GRID1: variants seen among roughly 807,000 people sequenced by gnomAD.
GRID1 encodes glutamate receptor ionotropic, delta-1.
GRID1 carries 28 observed loss-of-function variants against 98.0 expected under a neutral mutation model. The observed-to-expected ratio is 0.29, with a 90% CI of 0.21 to 0.39. The LOEUF is 0.39. Ranked by LOEUF, GRID1 falls within the 10% of genes least tolerant of loss-of-function variation. The pLI is 1.00. For synonymous variants in GRID1, 553 were observed against 538.5 expected, an observed-to-expected ratio of 1.03 and a Z score of -0.37; for missense variants, 1,111 against 1,340.5, an observed-to-expected ratio of 0.83 and a Z score of 2.67.
At chr10:86,358,249 C>T (rs1288345675) in intron 2 of GRID1, among the ~76,000 whole-genome samples, 2 of 152,052 alleles carry the variant, frequency 1.3e-5, no homozygotes, top group Admixed American at 1.3e-4. Flanking sequence ...GAGGATGCCC[C>T]GCAGTAAGCA....
chr10:85,766,338 T>C (rs1413667998), intron 8 of GRID1, among the ~76,000 whole-genome samples: 1 of 152,160 alleles, frequency 6.6e-6, no homozygotes, highest in Non-Finnish European at 1.5e-5. Context: ...ATTTAAAAAT[T>C]AGCCTGGTGG....
intron 2 of GRID1, among the ~76,000 whole-genome samples, chr10:86,287,126 G>A (rs996635735): frequency 2.6e-5 from 4 of 152,214 alleles, no homozygotes; most frequent in African/African-American, 9.6e-5. Flanking sequence ...TGGAGGCACG[G>A]AAGTAGATGG....
chr10:85,949,552 A>C (rs1326096666), intron 4 of GRID1, among the ~76,000 whole-genome samples: 1 of 152,100 alleles, frequency 6.6e-6, no homozygotes, highest in Non-Finnish European at 1.5e-5. Context: ...TTTCATTTAC[A>C]GTGTTTCCAG....
chr10:86,353,975 C>T (rs866744311), intron 2 of GRID1, among the ~76,000 whole-genome samples: 1 of 152,014 alleles, frequency 6.6e-6, no homozygotes, highest in African/African-American at 2.4e-5. Context: ...GGTCAGGTCT[C>T]AGAGCTTTGA....
At chr10:85,614,745 G>C (rs1311709206) in intron 14 of GRID1, among the ~76,000 whole-genome samples, 1 of 152,140 alleles carries the variant, frequency 6.6e-6, no homozygotes, top group Non-Finnish European at 1.5e-5. Flanking sequence ...GGCTCTGAGG[G>C]GGCATGAGAG....
At chr10:86,343,300 AAAG>A (rs1343723959) in intron 2 of GRID1, among the ~76,000 whole-genome samples, 6 of 152,240 alleles carry the variant, frequency 3.9e-5, no homozygotes, top group Admixed American at 2.0e-4. Context: ...GTATGGAACA[AAAG>A]AAGATTTCAA....
At chr10:86,244,928 AT>A (rs562544333) in intron 2 of GRID1, among the ~76,000 whole-genome samples, 46 of 152,092 alleles carry the variant, frequency 3.0e-4, no homozygotes, top group Non-Finnish European at 5.3e-4. Context: ...AGCCCAAAAG[AT>A]TTTTTCCCCT....
chr10:86,080,714 C>T (rs60935427), intron 4 of GRID1, among the ~76,000 whole-genome samples: 18,074 of 151,794 alleles, frequency 0.12, 1,257 homozygotes, highest in African/African-American at 0.19. Context: ...ATTTGTGCTA[C>T]GCAGGGAAAA....
chr10:86,138,987 C>T lies in GRID1; in HGVS notation c.558G>A (p.Ser186=), dbSNP rs756448362. The T allele has an allele frequency of 1.1e-5, 18 of 1,613,960 alleles. No individual in the cohort carries two copies. The highest frequency in any genetic ancestry group is 8.3e-5 in the Admixed American group (5 of 60,014). ...GTAAAGAGACGTCAAGGCCCAGCCG[C>T]GAGGCCTGGTCCAGAAAGCTTTGAA... ...RGLQSFLDQA[S]RLGLDVSLQK... The change falls in exon 4 of 16, where the codon TCG becomes TCA. Residue 186 remains serine (S), a synonymous_variant. Transcript: ENST00000327946.
At chr10:85,738,938 T>C (rs1277855687) in intron 8 of GRID1, among the ~76,000 whole-genome samples, 1 of 152,170 alleles carries the variant, frequency 6.6e-6, no homozygotes, top group Non-Finnish European at 1.5e-5. Flanking sequence ...TACATTACCA[T>C]ATACATTTGT....
At chr10:85,835,415 T>C (rs1399206699) in intron 8 of GRID1, among the ~76,000 whole-genome samples, 1 of 152,198 alleles carries the variant, frequency 6.6e-6, no homozygotes, top group East Asian at 1.9e-4. Context: ...TGGGGGCAAT[T>C]TCCCCATACT....
intron 12 of GRID1, among the ~76,000 whole-genome samples, chr10:85,662,744 T>A (rs886084063): frequency 1.1e-4 from 16 of 152,130 alleles, no homozygotes; most frequent in African/African-American, 3.9e-4. Flanking sequence ...GGAAGCACCA[T>A]ATCCACCATG....
At chr10:85,770,610 C>A (rs945408153) in intron 8 of GRID1, among the ~76,000 whole-genome samples, 4 of 151,980 alleles carry the variant, frequency 2.6e-5, no homozygotes, top group African/African-American at 9.7e-5. Flanking sequence ...CTAGAATAAC[C>A]AATACAGAGA....
intron 4 of GRID1, among the ~76,000 whole-genome samples, chr10:86,056,422 G>A (rs367643958): frequency 2.0e-5 from 3 of 152,206 alleles, no homozygotes; most frequent in East Asian, 3.8e-4. Context: ...GAACAAGGAA[G>A]AATTGTCCTT....
At chr10:85,919,859 A>AG (rs1351394380) in intron 4 of GRID1, among the ~76,000 whole-genome samples, 1 of 152,186 alleles carries the variant, frequency 6.6e-6, no homozygotes, top group African/African-American at 2.4e-5. Context: ...ACAGTGCTAC[A>AG]GGGGGCTCTG....
At chr10:86,147,303 A>T (rs1326083609) in intron 3 of GRID1, among the ~76,000 whole-genome samples, 1 of 152,176 alleles carries the variant, frequency 6.6e-6, no homozygotes, top group Non-Finnish European at 1.5e-5. Context: ...TTTTCCAAAG[A>T]TACGTACTTA....
intron 8 of GRID1, among the ~76,000 whole-genome samples, chr10:85,772,958 C>T (rs1842288316): frequency 6.6e-6 from 1 of 152,190 alleles, no homozygotes; most frequent in Non-Finnish European, 1.5e-5. Flanking sequence ...AGGGAATCCT[C>T]CCTAACTCAT....
chr10:85,729,725 C>G lies in GRID1; in HGVS notation c.1234-111G>C. The G allele has an allele frequency of 1.1e-5, 7 of 628,142 alleles. No homozygotes were observed. The South Asian group carries it at 1.4e-4, about 13-fold the overall frequency. The allele number at this position is 628,142 out of a possible 1,614,324, so 38.9% of individuals were successfully genotyped here. Reference sequence around the variant, plus strand: ...ATTAGGCAGGTAGGTGAACAGTAGTCCCCTGGAGTTCCCAGAGACCCAGAG... The same window carrying G: ...ATTAGGCAGGTAGGTGAACAGTAGTGCCCTGGAGTTCCCAGAGACCCAGAG... On this transcript the variant is annotated intron_variant, in intron 8 of 15. Coordinates refer to ENST00000327946, the MANE Select transcript of GRID1 (RefSeq NM_017551.3).
At chr10:86,077,149 G>C (rs1311504789) in intron 4 of GRID1, among the ~76,000 whole-genome samples, 1 of 138,424 alleles carries the variant, frequency 7.2e-6, no homozygotes, top group Non-Finnish European at 1.6e-5. Flanking sequence ...TGGGTGAGTT[G>C]AGCTGGACTC....
Sources: gnomAD v4.1 joint callset for allele counts (sites outside exome capture counted in the v4.1 genomes callset) on GRCh38, gnomAD v4.1.1 for gene constraint, MANE v1.5 for transcripts, NCBI Gene and HGNC (gene_info 2026-07-23, HGNC 2026-07-21) for gene names.